The following FIGNL2 variants were observed in gnomAD, a reference collection of about 807,000 sequenced individuals.
The protein encoded by FIGNL2 is fidgetin-like protein 2.
For synonymous variants in FIGNL2, 565 were observed against 484.0 expected, an observed-to-expected ratio of 1.17 and a Z score of -2.20; for missense variants, 1,060 against 950.2, an observed-to-expected ratio of 1.12 and a Z score of -1.52.
chr12:51,847,870 C>T (rs890170509), intron 1 of FIGNL2: 4 of 975,352 alleles, frequency 4.1e-6, no homozygotes, highest in Non-Finnish European at 4.9e-6. Context: ...CCGGGGGTCC[C>T]CCTTGTTGCC....
chr12:51,825,132 A>C (rs1348133629), intron 1 of FIGNL2, among the ~76,000 whole-genome samples: 1 of 150,980 alleles, frequency 6.6e-6, no homozygotes, highest in African/African-American at 2.4e-5. Context: ...TCTATTTACT[A>C]TTCTGTGCTT....
chr12:51,838,257 G>A (rs1208289015), intron 1 of FIGNL2, among the ~76,000 whole-genome samples: 1 of 152,226 alleles, frequency 6.6e-6, no homozygotes, highest in Non-Finnish European at 1.5e-5. Flanking sequence ...TGCACACTGG[G>A]CTGGGAGCTG....
intron 1 of FIGNL2, among the ~76,000 whole-genome samples, chr12:51,839,407 T>A (rs1326060345): frequency 6.6e-6 from 1 of 152,222 alleles, no homozygotes; most frequent in East Asian, 1.9e-4. Context: ...GTTAACACTC[T>A]CTCTAAAACA....
chr12:51,835,761 C>T (rs1013332544), intron 1 of FIGNL2, among the ~76,000 whole-genome samples: 5 of 151,576 alleles, frequency 3.3e-5, no homozygotes, highest in African/African-American at 9.7e-5. Context: ...TATGGAGTCT[C>T]GCTTCTTAAG....
intron 1 of FIGNL2, among the ~76,000 whole-genome samples, chr12:51,845,850 C>T (rs903556841): frequency 6.7e-6 from 1 of 150,316 alleles, no homozygotes; most frequent in African/African-American, 2.5e-5. Context: ...CCTGACTGGC[C>T]TCTCTGTTTA....
At chr12:51,830,146 G>C (rs990208220) in intron 1 of FIGNL2, among the ~76,000 whole-genome samples, 2 of 151,904 alleles carry the variant, frequency 1.3e-5, no homozygotes, top group African/African-American at 4.8e-5. Flanking sequence ...AAAATTAGCC[G>C]GGTGTAGTGG....
At chr12:51,823,742 G>A (rs1368297917) in intron 1 of FIGNL2, among the ~76,000 whole-genome samples, 5 of 152,222 alleles carry the variant, frequency 3.3e-5, no homozygotes, top group Non-Finnish European at 4.4e-5. Flanking sequence ...ACAGGTTCAC[G>A]TATTCTCATA....
At chr12:51,844,955 G>A in intron 1 of FIGNL2, 3 of 816,416 alleles carry the variant, frequency 3.7e-6, no homozygotes, top group Non-Finnish European at 4.4e-6. Flanking sequence ...CTGCAGGCAT[G>A]ACTCTGTCCT....
Position 51,821,530 on chromosome 12 carries a change from G to A in FIGNL2, c.884C>T (p.Ser295Phe). 1.9e-6 allele frequency: 3 copies of A among 1,564,434 alleles called. No individual in the cohort carries two copies. The highest frequency in any genetic ancestry group is 2.6e-6 in the Non-Finnish European group (3 of 1,164,180). ...TTCGCCGTTGTCCGCGGCGGGGTAG[G>A]AGGCTCCGTCAGCCACGGGGGCCTT... ...PAKAPVADGASYPAADNGECR... is the reference protein window; with the variant it reads ...PAKAPVADGAFYPAADNGECR... The change falls in exon 2 of 2, where the codon TCC (serine) becomes TTC (phenylalanine). Residue 295 changes from serine to phenylalanine, a missense_variant. Transcript: ENST00000618634.
chr12:51,826,180 A>T (rs1939339654), intron 1 of FIGNL2, among the ~76,000 whole-genome samples: 1 of 145,078 alleles, frequency 6.9e-6, no homozygotes, highest in Non-Finnish European at 1.5e-5. Flanking sequence ...CGCCCCCCCC[A>T]CACAGTTAGC....
chr12:51,832,308 T>C (rs1939487841), intron 1 of FIGNL2, among the ~76,000 whole-genome samples: 1 of 152,142 alleles, frequency 6.6e-6, no homozygotes, highest in Non-Finnish European at 1.5e-5. Flanking sequence ...TGTGCCACTG[T>C]GCCCGGCCCC....
At chr12:51,848,077 C>G in intron 1 of FIGNL2, 3 of 920,706 alleles carry the variant, frequency 3.3e-6, no homozygotes, top group Non-Finnish European at 3.9e-6. Context: ...CCAGCCCCCA[C>G]CCCTCCCACA....
chr12:51,825,206 T>C (rs1039432700), intron 1 of FIGNL2, among the ~76,000 whole-genome samples: 2 of 151,986 alleles, frequency 1.3e-5, no homozygotes, highest in African/African-American at 2.4e-5. Context: ...CCTGAACATA[T>C]TAAACTGGAC....
At position 51,822,165 on chromosome 12, in the gene FIGNL2, G is replaced by C. The variant is rs1939230445; in HGVS notation, c.249C>G (p.Tyr83Ter). 1 of 1,611,604 alleles carries C rather than the reference G, an allele frequency of 6.2e-7. No individual in the cohort carries two copies. Among genetic ancestry groups the C allele is most frequent in the Non-Finnish European group, 8.5e-7 (1 of 1,179,036 alleles). ...CGCCGTTGAGGAAGGAGGCGTCGCTGTACCCGCCCAGGGCCGGACGCTCGT... is the reference window on the plus strand; with the variant it reads ...CGCCGTTGAGGAAGGAGGCGTCGCTCTACCCGCCCAGGGCCGGACGCTCGT... ...SPYERPALGG[Y>*]SDASFLNGAK... Residue 83 changes from tyrosine (Y) to a stop codon, truncating the protein, a stop_gained, in exon 2 of 2, where the codon TAC becomes TAG. Coordinates refer to ENST00000618634, the MANE Select transcript of FIGNL2 (RefSeq NM_001384995.1). LOFTEE classifies it low-confidence loss of function (END_TRUNC).
chr12:51,835,384 C>A (rs897862674), intron 1 of FIGNL2: 6 of 152,292 alleles, frequency 3.9e-5, no homozygotes, highest in Non-Finnish European at 8.8e-5. Context: ...GCCCACACCG[C>A]ATTCCCCTTC....
rs747235240 is a variant in FIGNL2, at chr12:51,822,321, C to G, written c.93G>C (p.Lys31Asn). ...GGCGACCCCCAGGGGGCAACTCCAA[C>G]TTGTGGGCCGGCGACGGGGTGGTGG... ...VSSTTPSPAHKLELPPGGRQR... is the reference protein window; with the variant it reads ...VSSTTPSPAHNLELPPGGRQR... The change falls in exon 2 of 2, where the codon AAG becomes AAC. Residue 31 changes from lysine (K) to asparagine (N), a missense_variant. Transcript: ENST00000618634. 1.9e-6 allele frequency: 3 copies of G among 1,612,892 alleles called. No homozygotes were observed. Among genetic ancestry groups the G allele is most frequent in the African/African-American group, 1.3e-5 (1 of 74,924 alleles).
rs1449610051 is a variant in FIGNL2 at position 51,820,117 on chromosome 12, G to A, written c.*335C>T. 9.1e-6 allele frequency: 3 copies of A among 328,694 alleles called. No individual in the cohort carries two copies. Among genetic ancestry groups the A allele is most frequent in the African/African-American group, 4.5e-5 (2 of 44,380 alleles). 20.4% of individuals were successfully genotyped at this position (328,694 alleles called of 1,614,324 possible). A position where few individuals can be genotyped will look rare whatever the true frequency, so the allele number is the denominator to read the frequency against. Reference sequence around the variant, plus strand: ...AGAAGGAGGGTGCCATTCAGATAGCGAGGAGACAAAAGCGTTGTGGCAAGA... The same window carrying A: ...AGAAGGAGGGTGCCATTCAGATAGCAAGGAGACAAAAGCGTTGTGGCAAGA... On this transcript the variant is annotated 3_prime_UTR_variant, in exon 2 of 2. Coordinates refer to ENST00000618634, the MANE Select transcript of FIGNL2 (RefSeq NM_001384995.1).
Position 51,821,616 on chromosome 12 carries a change from C to T in FIGNL2, c.798G>A (p.Lys266=). 3.3e-6 allele frequency: 5 copies of T among 1,497,900 alleles called. No individual in the cohort carries two copies. Among genetic ancestry groups the T allele is most frequent in the East Asian group, 2.8e-5 (1 of 35,914 alleles). 92.8% of individuals were successfully genotyped at this position (1,497,900 alleles called of 1,614,324 possible). ...CGGGCCCCTCGTCGGCGGCCTTGCG[C>T]TTCAGCGACAGCCCGGATTCGGCAC... ...APGAESGLSL[K]RKAADEGPEG... is the part of the protein sequence containing the mutation. The change falls in exon 2 of 2, where the codon AAG becomes AAA. Residue 266 remains lysine (K), a synonymous_variant. Transcript: ENST00000618634.
intron 1 of FIGNL2, chr12:51,842,100 A>T (rs937910783): frequency 4.6e-5 from 7 of 151,576 alleles, no homozygotes; most frequent in Non-Finnish European, 1.0e-4. Flanking sequence ...ATCACTACAA[A>T]CTCAACAAGT....
Sources: allele counts gnomAD v4.1 joint callset (sites outside exome capture counted in the v4.1 genomes callset), GRCh38; gene constraint gnomAD v4.1.1; transcripts MANE v1.5; gene names NCBI Gene and HGNC (gene_info 2026-07-23, HGNC 2026-07-21).